The following HEMK2 variants were observed in gnomAD, a reference collection of about 807,000 sequenced individuals.
HEMK2 encodes the protein methyltransferase HEMK2.
At chr21:28,688,356 C>T in the HEMK2 span, among the ~76,000 whole-genome samples, 1 of 152,132 alleles carries the variant, frequency 6.6e-6, no homozygotes, top group African/African-American at 2.4e-5. Flanking sequence ...AGTAATTGAA[C>T]AATTTATAGG....
chr21:28,616,523 T>C, the HEMK2 span, among the ~76,000 whole-genome samples: 2 of 152,216 alleles, frequency 1.3e-5, no homozygotes, highest in Non-Finnish European at 2.9e-5. Context: ...CTGTAGTTTT[T>C]TTAAATTCTA....
chr21:28,885,305 A>T, the HEMK2 span: 11 of 1,588,186 alleles, frequency 6.9e-6, no homozygotes, highest in African/African-American at 1.5e-4. Flanking sequence ...GCCGCGGCCC[A>T]CGTGCCCGTG....
chr21:28,827,124 C>T, the HEMK2 span, among the ~76,000 whole-genome samples: 1 of 152,174 alleles, frequency 6.6e-6, no homozygotes, highest in African/African-American at 2.4e-5. Flanking sequence ...TGCCAGACCC[C>T]ATGCTAGGCA....
chr21:28,702,362 A>G, the HEMK2 span, among the ~76,000 whole-genome samples: 1 of 152,216 alleles, frequency 6.6e-6, no homozygotes, highest in Non-Finnish European at 1.5e-5. Flanking sequence ...GCTTCTTCAC[A>G]GCAAAAGAAA....
the HEMK2 span, among the ~76,000 whole-genome samples, chr21:28,840,910 G>A: frequency 6.9e-6 from 1 of 145,250 alleles, no homozygotes; most frequent in Admixed American, 7.4e-5. Context: ...CATGTTTATA[G>A]CAGCACAATT....
the HEMK2 span, among the ~76,000 whole-genome samples, chr21:28,870,423 G>A: frequency 3.3e-5 from 5 of 150,808 alleles, no homozygotes; most frequent in Non-Finnish European, 5.9e-5. Flanking sequence ...TTTTTGAGAC[G>A]GAGTCTTGCT....
At chr21:28,880,928 TAA>T in the HEMK2 span, among the ~76,000 whole-genome samples, 10 of 104,430 alleles carry the variant, frequency 9.6e-5, no homozygotes, top group Non-Finnish European at 1.2e-4. Flanking sequence ...ATCATTTATT[TAA>T]AAAAAAAAAA....
At chr21:28,609,232 G>A in the HEMK2 span, among the ~76,000 whole-genome samples, 6 of 152,152 alleles carry the variant, frequency 3.9e-5, no homozygotes, top group Non-Finnish European at 1.5e-5. Context: ...AGGACTCTTT[G>A]CCAACACTCC....
At chr21:28,763,735 G>A in the HEMK2 span, among the ~76,000 whole-genome samples, 19 of 152,136 alleles carry the variant, frequency 1.2e-4, no homozygotes, top group African/African-American at 4.3e-4. Context: ...GGAATGAGCT[G>A]ATGACTATGA....
At chr21:28,877,171 A>T in the HEMK2 span, among the ~76,000 whole-genome samples, 54 of 133,258 alleles carry the variant, frequency 4.1e-4, no homozygotes, top group East Asian at 0.011. Flanking sequence ...AGAAAGAAAG[A>T]AAGAAAGAGA....
At chr21:28,604,698 T>C in the HEMK2 span, among the ~76,000 whole-genome samples, 2 of 152,228 alleles carry the variant, frequency 1.3e-5, no homozygotes, top group Non-Finnish European at 1.5e-5. Flanking sequence ...TGATAAAGAA[T>C]ATTTTCAGGG....
At chr21:28,657,663 G>A in the HEMK2 span, among the ~76,000 whole-genome samples, 35 of 152,134 alleles carry the variant, frequency 2.3e-4, 2 homozygotes, top group East Asian at 6.8e-3. Context: ...CTTTTGTTTG[G>A]ACAAAGAATA....
the HEMK2 span, among the ~76,000 whole-genome samples, chr21:28,654,102 G>A: frequency 6.6e-6 from 1 of 152,142 alleles, no homozygotes; most frequent in African/African-American, 2.4e-5. Flanking sequence ...ACCATGAAGA[G>A]GAAGATCTGA....
the HEMK2 span, among the ~76,000 whole-genome samples, chr21:28,785,990 C>T: frequency 6.6e-6 from 1 of 152,174 alleles, no homozygotes; most frequent in Non-Finnish European, 1.5e-5. Flanking sequence ...TCACACTTTC[C>T]TTGTGGTCTT....
chr21:28,722,001 T>G, the HEMK2 span, among the ~76,000 whole-genome samples: 32 of 150,662 alleles, frequency 2.1e-4, no homozygotes, highest in Non-Finnish European at 3.2e-4. Context: ...TAAATAGAAA[T>G]CATAGCTTAT....
chr21:28,629,211 G>T, the HEMK2 span, among the ~76,000 whole-genome samples: 253 of 152,306 alleles, frequency 1.7e-3, 1 homozygote, highest in African/African-American at 5.9e-3. Flanking sequence ...TGCATTTAGT[G>T]TGCTTGGATT....
chr21:28,870,465 G>A, the HEMK2 span, among the ~76,000 whole-genome samples: 8 of 152,204 alleles, frequency 5.3e-5, no homozygotes, highest in South Asian at 1.4e-3. Context: ...GCAATGGCAT[G>A]ATCTCAGCTC....
the HEMK2 span, among the ~76,000 whole-genome samples, chr21:28,766,921 T>A: frequency 6.6e-6 from 1 of 151,956 alleles, no homozygotes; most frequent in Non-Finnish European, 1.5e-5. Context: ...GGGCAATGGG[T>A]GGACTAAAAT....
At chr21:28,608,264 A>G in the HEMK2 span, among the ~76,000 whole-genome samples, 2 of 152,212 alleles carry the variant, frequency 1.3e-5, no homozygotes, top group African/African-American at 4.8e-5. Flanking sequence ...AGTCAGTTTA[A>G]TAATATGTTT....
Sources: gnomAD v4.1 joint callset for allele counts (sites outside exome capture counted in the v4.1 genomes callset) on GRCh38, gnomAD v4.1.1 for gene constraint, MANE v1.5 for transcripts, NCBI Gene and HGNC (gene_info 2026-07-23, HGNC 2026-07-21) for gene names.